The following NAV3 variants were observed in gnomAD, a reference collection of about 807,000 sequenced individuals.
NAV3 encodes the protein pore membrane and/or filament interacting like protein 1.
Under a neutral mutation model 244.7 loss-of-function variants are expected in NAV3, and 87 were observed. The ratio of observed to expected loss-of-function variants is 0.36; its 90% CI spans 0.30 to 0.42. The LOEUF (loss-of-function observed/expected upper bound fraction) is 0.42, where lower values mean the gene tolerates loss of function less well. Among genes scored for constraint, NAV3 ranks in the 20% least tolerant of loss-of-function variants. NAV3 has a pLI of 1.00. For synonymous variants in NAV3, 1,126 were observed against 1,042.2 expected (o/e 1.08, Z -1.55); for missense variants, 2,663 against 2,893.3 (o/e 0.92, Z 1.83).
intron 12 of NAV3, among the ~76,000 whole-genome samples, chr12:78,093,673 C>T (rs1184170844): frequency 6.6e-6 from 1 of 151,848 alleles, no homozygotes; most frequent in Non-Finnish European, 1.5e-5. Flanking sequence ...AGTAGAAAAT[C>T]TAACTATTAG....
intron 12 of NAV3, among the ~76,000 whole-genome samples, chr12:78,113,084 G>A (rs1955184749): frequency 6.6e-6 from 1 of 152,178 alleles, no homozygotes; most frequent in Non-Finnish European, 1.5e-5. Flanking sequence ...CATATCTCAC[G>A]TCTAGGTCAT....
At chr12:77,740,923 G>A (rs191237662) in intron 2 of NAV3, among the ~76,000 whole-genome samples, 6 of 152,032 alleles carry the variant, frequency 3.9e-5, no homozygotes, top group African/African-American at 1.4e-4. Flanking sequence ...GTAAGTTGCC[G>A]TGCAAAGAAG....
At chr12:78,144,596 G>T (rs1956771802) in intron 20 of NAV3, among the ~76,000 whole-genome samples, 1 of 152,010 alleles carries the variant, frequency 6.6e-6, no homozygotes, top group South Asian at 2.1e-4. Context: ...AAAAAGTCAT[G>T]CTATACGGTA....
At chr12:78,149,871 G>T (rs1485168398) in intron 22 of NAV3, among the ~76,000 whole-genome samples, 1 of 151,948 alleles carries the variant, frequency 6.6e-6, no homozygotes, top group African/African-American at 2.4e-5. Context: ...AGCTATCATT[G>T]TGCAATATAA....
At chr12:77,729,642 AG>A (rs1877035370) in intron 2 of NAV3, among the ~76,000 whole-genome samples, 1 of 151,958 alleles carries the variant, frequency 6.6e-6, no homozygotes, top group African/African-American at 2.4e-5. Flanking sequence ...CTGGAATTGG[AG>A]GCAACAAAAA....
At chr12:77,972,551 A>G (rs1258578306) in intron 5 of NAV3, among the ~76,000 whole-genome samples, 1 of 152,120 alleles carries the variant, frequency 6.6e-6, no homozygotes, top group East Asian at 1.9e-4. Flanking sequence ...ATGAAATAAA[A>G]CTAGTTCATT....
intron 8 of NAV3, 52 bp from the exon 9 acceptor site, chr12:78,021,695 G>T (rs762415430): frequency 1.6e-6 from 2 of 1,212,342 alleles, no homozygotes; most frequent in Non-Finnish European, 2.4e-6. Flanking sequence ...ACTTTGATGA[G>T]TGACTAGTGA....
chr12:78,147,598 G>T (rs1956914749), intron 21 of NAV3, among the ~76,000 whole-genome samples: 1 of 141,386 alleles, frequency 7.1e-6, no homozygotes, highest in Non-Finnish European at 1.6e-5. Flanking sequence ...TTAGACTGGG[G>T]TGTATCTGTT....
At chr12:77,792,847 A>G (rs1871243673) in intron 2 of NAV3, among the ~76,000 whole-genome samples, 1 of 152,180 alleles carries the variant, frequency 6.6e-6, no homozygotes, top group South Asian at 2.1e-4. Context: ...CCACACTAAT[A>G]GATGGGAGAT....
chr12:77,654,989 T>TA (rs1378728563), intron 2 of NAV3, among the ~76,000 whole-genome samples: 2 of 151,378 alleles, frequency 1.3e-5, no homozygotes, highest in African/African-American at 4.9e-5. Context: ...CAAAAGTAGA[T>TA]AAAACCACAA....
intron 2 of NAV3, among the ~76,000 whole-genome samples, chr12:77,817,226 A>T (rs1297770730): frequency 6.6e-6 from 1 of 152,196 alleles, no homozygotes; most frequent in East Asian, 1.9e-4. Flanking sequence ...GGAAAGAGAA[A>T]ATGAGAGCAA....
At chr12:77,618,589 T>G (rs553063782) in intron 2 of NAV3, among the ~76,000 whole-genome samples, 9 of 152,336 alleles carry the variant, frequency 5.9e-5, no homozygotes, top group African/African-American at 2.2e-4. Context: ...CTATCAAATT[T>G]ATTTCTAAAA....
chr12:77,757,284 T>G (rs939459), intron 2 of NAV3, among the ~76,000 whole-genome samples: 72,136 of 151,970 alleles, frequency 0.47, 17,311 homozygotes, highest in Middle Eastern at 0.54. Flanking sequence ...AGTCACATAG[T>G]CAAGCCTGAA....
At chr12:78,067,188 A>G (rs1420520894) in intron 12 of NAV3, among the ~76,000 whole-genome samples, 1 of 152,118 alleles carries the variant, frequency 6.6e-6, no homozygotes, top group Non-Finnish European at 1.5e-5. Flanking sequence ...GATTTGTTCC[A>G]GTACAATCAC....
At chr12:77,722,064 A>T (rs1405505808) in intron 2 of NAV3, among the ~76,000 whole-genome samples, 1 of 152,026 alleles carries the variant, frequency 6.6e-6, no homozygotes, top group Non-Finnish European at 1.5e-5. Flanking sequence ...GAAAACCCCA[A>T]CTCAATTTTC....
rs566521839 is a variant in NAV3 at position 77,837,812 on chromosome 12, T to C, written c.243+6108T>C. Among the ~76,000 whole-genome samples, 11 of 152,334 alleles carry C rather than the reference T, an allele frequency of 7.2e-5. No individual in the cohort carries two copies. In the South Asian group the frequency reaches 1.4e-3, roughly 20 times the overall value. On this transcript the variant is annotated intron_variant, in intron 1 of 39. Coordinates refer to ENST00000397909, the MANE Select transcript of NAV3 (RefSeq NM_001024383.2). Reference sequence around the variant, plus strand: ...CAGTGGTTGTGTGAAGTGCCTAGAATTATCAGGAGAAGACAATTAAGTTGA... The same window carrying C: ...CAGTGGTTGTGTGAAGTGCCTAGAACTATCAGGAGAAGACAATTAAGTTGA...
chr12:77,727,827 A>G (rs1477241642), intron 2 of NAV3, among the ~76,000 whole-genome samples: 1 of 151,946 alleles, frequency 6.6e-6, no homozygotes, highest in Non-Finnish European at 1.5e-5. Flanking sequence ...AAGCCCAGGC[A>G]GTCTGTATTA....
chr12:77,696,516 T>C (rs1002310828), intron 2 of NAV3, among the ~76,000 whole-genome samples: 1 of 152,130 alleles, frequency 6.6e-6, no homozygotes, highest in Non-Finnish European at 1.5e-5. Flanking sequence ...ACCAAAGCCA[T>C]GTCTAGCACT....
rs945847536 is a variant in NAV3, at chr12:78,189,883, T to A, written c.6056-101T>A. On this transcript the variant is annotated intron_variant, in intron 33 of 39. Coordinates refer to ENST00000397909, the MANE Select transcript of NAV3 (RefSeq NM_001024383.2). The stretch of plus-strand genomic sequence containing the variant: ...CTAGGAAATTATTTTTCAAGGACTC[T>A]ATTCCTATGACTAACAATGCTGTTG... The A allele has an allele frequency of 1.8e-5, 15 of 843,620 alleles. No individual in the cohort carries two copies. The Admixed American group carries it at 3.7e-4, about 21-fold the overall frequency. The allele number at this position is 843,620 out of a possible 1,614,324, so 52.3% of individuals were successfully genotyped here.
Sources: allele counts gnomAD v4.1 joint callset (sites outside exome capture counted in the v4.1 genomes callset), GRCh38; gene constraint gnomAD v4.1.1; transcripts MANE v1.5; gene names NCBI Gene and HGNC (gene_info 2026-07-23, HGNC 2026-07-21).